The following ZNF469 variants were observed in gnomAD, a reference collection of about 807,000 sequenced individuals.
ZNF469 encodes zinc finger protein 469.
Under a neutral mutation model 1.0 loss-of-function variants are expected in ZNF469, and 1 was observed. That is an observed-to-expected ratio of 1.00 (90% confidence interval 0.35 to 4.73). The LOEUF (loss-of-function observed/expected upper bound fraction) is 4.73, where lower values mean the gene tolerates loss of function less well. Ranked by LOEUF, ZNF469 falls within the 30% of genes most tolerant of loss-of-function variation. The pLI is 0.16. For missense variants in ZNF469, 6,100 were observed against 5,356.3 expected, an observed-to-expected ratio of 1.14 and a Z score of -4.33; for synonymous variants, 2,703 against 2,363.4, an observed-to-expected ratio of 1.14 and a Z score of -4.17.
chr16:88,432,521 C>G lies in ZNF469; in HGVS notation c.5051C>G (p.Pro1684Arg), dbSNP rs959600448. 1.3e-6 allele frequency: 2 copies of G among 1,550,246 alleles called. No homozygotes were observed. Among genetic ancestry groups the G allele is most frequent in the African/African-American group, 2.7e-5 (2 of 73,048 alleles). The change falls in exon 3 of 3, where the codon CCT becomes CGT. Residue 1684 changes from proline to arginine, a missense_variant. Transcript: ENST00000565624. ...CAGGAAGACCTGGTTTCTGGGGCTC[C>G]TTTCAGCCCCAGGGGAGCCAACTTC... is the stretch of plus-strand genomic sequence containing the variant. ...CAQEDLVSGA[P>R]FSPRGANFHF...
At chr16:88,325,159 ACAT>A in the ZNF469 span, among the ~76,000 whole-genome samples, 104 of 110,540 alleles carry the variant, frequency 9.4e-4, no homozygotes, top group African/African-American at 3.6e-3. Context: ...AGCAGCTGCG[ACAT>A]ACACAGGGCC....
chr16:88,145,032 T>C, the ZNF469 span, among the ~76,000 whole-genome samples: 1 of 151,872 alleles, frequency 6.6e-6, no homozygotes, highest in African/African-American at 2.4e-5. Context: ...ATATTTTTAG[T>C]AGAGACAGGG....
the ZNF469 span, among the ~76,000 whole-genome samples, chr16:88,329,286 C>T: frequency 4.6e-5 from 7 of 152,188 alleles, no homozygotes; most frequent in South Asian, 2.1e-4. Flanking sequence ...TCTGAGAACA[C>T]GGAGAAGCCC....
At chr16:88,205,958 G>C in the ZNF469 span, among the ~76,000 whole-genome samples, 1 of 152,108 alleles carries the variant, frequency 6.6e-6, no homozygotes, top group Non-Finnish European at 1.5e-5. This position sits in a 1 kb window ranked among gnomAD's most constrained non-coding sequence, Gnocchi z 4.2. Flanking sequence ...TCAGAGGAAG[G>C]GGGGGGCCCA....
chr16:88,202,909 G>C, the ZNF469 span, among the ~76,000 whole-genome samples: 1 of 152,170 alleles, frequency 6.6e-6, no homozygotes, highest in Non-Finnish European at 1.5e-5. Flanking sequence ...CTGGAGGTGA[G>C]GGAAGGGCCC....
chr16:88,244,418 TGGA>T, the ZNF469 span, among the ~76,000 whole-genome samples: 1 of 149,648 alleles, frequency 6.7e-6, no homozygotes, highest in Non-Finnish European at 1.5e-5. Context: ...GATGGATGGA[TGGA>T]TGGATGGATG....
At chr16:88,396,094 G>C (rs1567499911) in intron 1 of ZNF469, among the ~76,000 whole-genome samples, 2 of 152,254 alleles carry the variant, frequency 1.3e-5, no homozygotes, top group South Asian at 4.1e-4. Context: ...CCCACTCTCA[G>C]TGTGACGGTC....
At chr16:88,256,764 C>T in the ZNF469 span, among the ~76,000 whole-genome samples, 7 of 151,966 alleles carry the variant, frequency 4.6e-5, no homozygotes, top group East Asian at 1.9e-4. Context: ...AGGTGAGAGG[C>T]GATATCTTAT....
the ZNF469 span, among the ~76,000 whole-genome samples, chr16:88,181,183 G>T: frequency 6.6e-5 from 10 of 151,146 alleles, no homozygotes; most frequent in East Asian, 7.8e-4. Context: ...CAATTCTCCT[G>T]CCTCAGCCTC....
chr16:88,413,678 G>T (rs74032849), intron 1 of ZNF469, among the ~76,000 whole-genome samples: 1,651 of 152,324 alleles, frequency 0.011, 30 homozygotes, highest in African/African-American at 0.038. Flanking sequence ...CGTTGAACTC[G>T]GTTTTCTCAG....
the ZNF469 span, among the ~76,000 whole-genome samples, chr16:88,287,181 C>T: frequency 2.8e-4 from 42 of 152,220 alleles, no homozygotes; most frequent in Non-Finnish European, 5.6e-4. Context: ...GGTTGTTGTC[C>T]GTAGCCGATG....
the ZNF469 span, among the ~76,000 whole-genome samples, chr16:88,317,857 C>T: frequency 2.0e-5 from 3 of 152,216 alleles, no homozygotes; most frequent in Non-Finnish European, 4.4e-5. Flanking sequence ...CTGCTCTCTG[C>T]GCCGCTGAAC....
the ZNF469 span, among the ~76,000 whole-genome samples, chr16:88,153,891 G>C: frequency 1.3e-5 from 2 of 152,180 alleles, no homozygotes; most frequent in Non-Finnish European, 2.9e-5. Flanking sequence ...CTCTCCCTAG[G>C]GGGCACCGGC....
At chr16:88,225,167 T>C in the ZNF469 span, among the ~76,000 whole-genome samples, 1 of 152,256 alleles carries the variant, frequency 6.6e-6, no homozygotes, top group African/African-American at 2.4e-5. Context: ...CCCCACTGGC[T>C]TCCTCAGGCC....
At chr16:88,375,329 G>A in the ZNF469 span, among the ~76,000 whole-genome samples, 3 of 152,234 alleles carry the variant, frequency 2.0e-5, no homozygotes, top group Non-Finnish European at 2.9e-5. Context: ...AGGGGCCAAG[G>A]CCACTAGCCC....
the ZNF469 span, among the ~76,000 whole-genome samples, chr16:88,194,045 C>G: frequency 1.3e-5 from 2 of 152,204 alleles, no homozygotes; most frequent in Non-Finnish European, 2.9e-5. Context: ...CAGCGTGGCC[C>G]GGCACCTGCA....
chr16:88,193,397 AC>A, the ZNF469 span, among the ~76,000 whole-genome samples: 1 of 152,110 alleles, frequency 6.6e-6, no homozygotes, highest in South Asian at 2.1e-4. Flanking sequence ...GGTTGCTTTA[AC>A]AAAATACCGT....
the ZNF469 span, among the ~76,000 whole-genome samples, chr16:88,247,005 G>T: frequency 6.6e-6 from 1 of 152,022 alleles, no homozygotes; most frequent in African/African-American, 2.4e-5. Context: ...GTGAGTGAAT[G>T]AGTGAATCAA....
chr16:88,302,496 G>T, the ZNF469 span: 3 of 152,348 alleles, frequency 2.0e-5, no homozygotes, highest in South Asian at 6.2e-4. Flanking sequence ...GCTTCTCCAT[G>T]AAAAGGAGAA....
Sources: allele counts gnomAD v4.1 joint callset (sites outside exome capture counted in the v4.1 genomes callset), GRCh38; gene constraint gnomAD v4.1.1; non-coding constraint Gnocchi (gnomAD v3.1); transcripts MANE v1.5; gene names NCBI Gene and HGNC (gene_info 2026-07-23, HGNC 2026-07-21).